Variants in HS3ST1 observed in about 807,000 individuals in gnomAD.
HS3ST1 encodes the protein heparan sulfate-glucosamine 3-sulfotransferase 1, also known as heparan sulfate glucosamine 3-O-sulfotransferase 1.
HS3ST1 carries 8 observed loss-of-function variants against 20.7 expected under a neutral mutation model. The observed-to-expected ratio is 0.39, with a 90% CI of 0.23 to 0.70. HS3ST1 has a LOEUF of 0.70. HS3ST1 is among the 30% of genes least tolerant of loss of function. The pLI is 0.46. For synonymous variants in HS3ST1, 205 were observed against 190.4 expected, an observed-to-expected ratio of 1.08 and a Z score of -0.63; for missense variants, 436 against 423.4, an observed-to-expected ratio of 1.03 and a Z score of -0.26.
intron 1 of HS3ST1, among the ~76,000 whole-genome samples, chr4:11,405,772 AG>A (rs1718448451): frequency 6.6e-6 from 1 of 152,088 alleles, no homozygotes; most frequent in African/African-American, 2.4e-5. Flanking sequence ...ATTAAAAAAG[AG>A]GGGAAGCAAT....
chr4:11,417,143 TAAA>T (rs1219518673), intron 1 of HS3ST1, among the ~76,000 whole-genome samples: 2 of 152,112 alleles, frequency 1.3e-5, no homozygotes, highest in African/African-American at 4.8e-5. Flanking sequence ...TTTCATTATT[TAAA>T]AAAACAAAAA....
chr4:11,409,084 C>A (rs538176816), intron 1 of HS3ST1, among the ~76,000 whole-genome samples: 4 of 152,278 alleles, frequency 2.6e-5, no homozygotes, highest in East Asian at 3.9e-4. Flanking sequence ...AAGCAGAGAA[C>A]AAGAACCCCA....
intron 1 of HS3ST1, among the ~76,000 whole-genome samples, chr4:11,427,575 G>C (rs1336686408): frequency 6.6e-6 from 1 of 152,242 alleles, no homozygotes; most frequent in Non-Finnish European, 1.5e-5. Flanking sequence ...AACATTGTGG[G>C]AAAGGGAGGA....
intron 1 of HS3ST1, among the ~76,000 whole-genome samples, chr4:11,401,364 T>TTTA (rs1553856202): frequency 3.3e-5 from 5 of 151,344 alleles, no homozygotes; most frequent in African/African-American, 1.2e-4. Context: ...TTTTTTTTTT[T>TTTA]ATGGAGTTTT....
intron 1 of HS3ST1, among the ~76,000 whole-genome samples, chr4:11,401,023 T>C (rs954017387): frequency 6.6e-6 from 1 of 152,180 alleles, no homozygotes; most frequent in Non-Finnish European, 1.5e-5. Context: ...GAGTGGTTTG[T>C]ATTGCAGCGG....
chr4:11,427,990 A>G (rs1269831591), intron 1 of HS3ST1, among the ~76,000 whole-genome samples: 1 of 152,186 alleles, frequency 6.6e-6, no homozygotes, highest in African/African-American at 2.4e-5. Flanking sequence ...TAGGCGTTCC[A>G]ACCGCGGGTT....
intron 1 of HS3ST1, among the ~76,000 whole-genome samples, chr4:11,407,843 T>C (rs1486618827): frequency 1.3e-5 from 2 of 152,240 alleles, no homozygotes; most frequent in Non-Finnish European, 2.9e-5. Flanking sequence ...GTATTCCTCA[T>C]AAATTCCCAG....
chr4:11,404,972 A>T (rs1033809594), intron 1 of HS3ST1, among the ~76,000 whole-genome samples: 11 of 152,236 alleles, frequency 7.2e-5, no homozygotes, highest in Non-Finnish European at 1.0e-4. Flanking sequence ...AGGAGGTGAA[A>T]GGATTCAAAC....
At chr4:11,423,169 C>T (rs1223183494) in intron 1 of HS3ST1, among the ~76,000 whole-genome samples, 2 of 151,616 alleles carry the variant, frequency 1.3e-5, no homozygotes, top group Non-Finnish European at 2.9e-5. Flanking sequence ...TCATGCTGGT[C>T]TATAATTTCC....
At chr4:11,409,648 C>G (rs1464099618) in intron 1 of HS3ST1, among the ~76,000 whole-genome samples, 3 of 152,228 alleles carry the variant, frequency 2.0e-5, no homozygotes, top group Non-Finnish European at 4.4e-5. Context: ...AAATAAATAT[C>G]TATTGTTTAA....
chr4:11,410,352 AG>A (rs1718585806), intron 1 of HS3ST1, among the ~76,000 whole-genome samples: 1 of 152,344 alleles, frequency 6.6e-6, no homozygotes, highest in Middle Eastern at 3.4e-3. Flanking sequence ...AGGGCCTCGA[AG>A]GACCTCACAG....
chr4:11,420,992 A>T (rs1387536014), intron 1 of HS3ST1, among the ~76,000 whole-genome samples: 1 of 152,220 alleles, frequency 6.6e-6, no homozygotes, highest in Non-Finnish European at 1.5e-5. Context: ...TTAGAGAAAC[A>T]TGACACATTT....
chr4:11,427,866 C>G (rs1262290313), intron 1 of HS3ST1, among the ~76,000 whole-genome samples: 1 of 152,236 alleles, frequency 6.6e-6, no homozygotes, highest in African/African-American at 2.4e-5. Context: ...CCTCCGCTTC[C>G]TGGGACAGGC....
At chr4:11,429,643 CTTTTTTTTTTTTTTTT>C (rs59403154), upstream of HS3ST1, 5 of 47,232 alleles carry the variant, frequency 1.1e-4, no homozygotes, top group South Asian at 1.2e-3. Context: ...GAAAATTCAG[CTTTTTTTTTTTTTTTT>C]TTTTTTTTTT....
chr4:11,410,152 G>C (rs541567116), intron 1 of HS3ST1, among the ~76,000 whole-genome samples: 1 of 152,174 alleles, frequency 6.6e-6, no homozygotes. Flanking sequence ...AGACATCTAC[G>C]ATGTTTCTAA....
At chr4:11,415,163 T>A (rs1177816649) in intron 1 of HS3ST1, among the ~76,000 whole-genome samples, 2 of 152,188 alleles carry the variant, frequency 1.3e-5, no homozygotes, top group East Asian at 3.8e-4. Flanking sequence ...AAAACAAAGT[T>A]CAACACTTTG....
intron 1 of HS3ST1, among the ~76,000 whole-genome samples, chr4:11,412,803 A>G (rs1489200460): frequency 1.3e-5 from 2 of 152,242 alleles, no homozygotes; most frequent in Non-Finnish European, 2.9e-5. Context: ...GGCAAAGAAG[A>G]AAGCATTATA....
intron 1 of HS3ST1, among the ~76,000 whole-genome samples, chr4:11,419,140 A>G (rs1191591878): frequency 1.3e-5 from 2 of 150,614 alleles, no homozygotes; most frequent in Non-Finnish European, 2.9e-5. Context: ...CTTGTCCTGT[A>G]TTCTCTTCCC....
intron 1 of HS3ST1, among the ~76,000 whole-genome samples, chr4:11,424,759 T>TA (rs1719020035): frequency 6.6e-6 from 1 of 151,908 alleles, no homozygotes; most frequent in Admixed American, 6.6e-5. Flanking sequence ...CTGTGCCCTT[T>TA]AGCTAGTCTT....
Sources: allele counts gnomAD v4.1 joint callset (sites outside exome capture counted in the v4.1 genomes callset), GRCh38; gene constraint gnomAD v4.1.1; transcripts MANE v1.5; gene names NCBI Gene and HGNC (gene_info 2026-07-23, HGNC 2026-07-21).